Variants in CYP2U1 observed in about 807,000 individuals in gnomAD.
CYP2U1 encodes cytochrome P450 2U1.
Under a neutral mutation model 42.8 loss-of-function variants are expected in CYP2U1, and 28 were observed. That is an observed-to-expected ratio of 0.65 (90% CI 0.48 to 0.90). CYP2U1 has a LOEUF of 0.90. Ranked by LOEUF, CYP2U1 falls within the 40% of genes least tolerant of loss-of-function variation. CYP2U1 has a pLI of 0.00. For synonymous variants in CYP2U1, 296 were observed against 278.9 expected (o/e 1.06, Z -0.61); for missense variants, 642 against 693.8 (o/e 0.93, Z 0.84).
At position 107,932,015 on chromosome 4, in the gene CYP2U1, C is replaced by G; in HGVS notation, c.372C>G (p.His124Gln). ...GCATCTTCAGCTTCTTTATCGGCCA[C>G]TACCTGGTGGTGGTCCTCAGCGACT... is the stretch of plus-strand genomic sequence containing the variant. ...YGSIFSFFIG[H>Q]YLVVVLSDFH... The change falls in exon 1 of 5, where the codon CAC becomes CAG. Residue 124 changes from histidine (H) to glutamine (Q), a missense_variant. Physicochemically the swap from His to Gln is conservative, Grantham distance 24 (BLOSUM62 0). Transcript: ENST00000332884. 1 of 1,560,898 alleles carries G rather than the reference C, an allele frequency of 6.4e-7. No individual in the cohort carries two copies. The highest frequency in any genetic ancestry group is 1.4e-5 in the African/African-American group (1 of 73,592).
At chr4:107,934,339 T>C (rs1398773583) in intron 1 of CYP2U1, among the ~76,000 whole-genome samples, 1 of 152,166 alleles carries the variant, frequency 6.6e-6, no homozygotes, top group Admixed American at 6.5e-5. Context: ...AATCCATAAG[T>C]CTTACTGACT....
In CYP2U1 at chr4:107,947,481, A is replaced by G; in HGVS notation, c.1232A>G (p.Gln411Arg). ...ACAGAAGCCACCATCATGGAAGTGCAGAGGCTAACTGTGGTGGTGCCGCTT... is the reference window on the plus strand; with the variant it reads ...ACAGAAGCCACCATCATGGAAGTGCGGAGGCTAACTGTGGTGGTGCCGCTT... ...PYTEATIMEVQRLTVVVPLAI... is the reference protein window; with the variant it reads ...PYTEATIMEVRRLTVVVPLAI... The change falls in exon 3 of 5, where the codon CAG becomes CGG. Residue 411 changes from glutamine (Q) to arginine (R), a missense_variant. Coordinates refer to ENST00000332884, the MANE Select transcript of CYP2U1 (RefSeq NM_183075.3). 6.2e-7 allele frequency: 1 copy of G among 1,614,170 alleles called. No homozygotes were observed. Among genetic ancestry groups the G allele is most frequent in the Non-Finnish European group, 8.5e-7 (1 of 1,180,022 alleles).
At chr4:107,944,363 CATGAT>C (rs1733604982) in intron 1 of CYP2U1, among the ~76,000 whole-genome samples, 1 of 151,998 alleles carries the variant, frequency 6.6e-6, no homozygotes, top group Non-Finnish European at 1.5e-5. Context: ...AGTGCAGTGG[CATGAT>C]CATAGTGGAC....
At chr4:107,949,266 A>ATT in intron 3 of CYP2U1, 84 bp from the exon 4 acceptor site, 10 of 1,278,236 alleles carry the variant, frequency 7.8e-6, no homozygotes, top group South Asian at 2.3e-5. Context: ...ATATAACTAC[A>ATT]TTTTTTTTTC....
intron 1 of CYP2U1, among the ~76,000 whole-genome samples, chr4:107,942,292 C>T (rs1373452959): frequency 6.6e-6 from 1 of 152,196 alleles, no homozygotes; most frequent in Non-Finnish European, 1.5e-5. Flanking sequence ...CCTCCACCCA[C>T]TGTCTGCACC....
At chr4:107,944,850 ATT>A (rs1491506939) in intron 1 of CYP2U1, 118 bp from the exon 2 acceptor site, 2 of 140,230 alleles carry the variant, frequency 1.4e-5, no homozygotes, top group Middle Eastern at 2.7e-3. Context: ...ATATATATAT[ATT>A]TATATGAGGA....
intron 1 of CYP2U1, chr4:107,936,277 C>T (rs1385978060): frequency 6.6e-6 from 1 of 152,164 alleles, no homozygotes; most frequent in African/African-American, 2.4e-5. Flanking sequence ...GAAGGTGTCC[C>T]CAAATGTTTA....
In CYP2U1 at chr4:107,949,464, T is replaced by C; in HGVS notation, c.1403T>C (p.Leu468Pro). The C allele has an allele frequency of 6.2e-7, 1 of 1,610,072 alleles. No homozygotes were observed. ...GAGGATTTCTACCCTAATCGATTTC[T>C]GGATGACCAAGGACAACTAATTAAA... ...KPEDFYPNRF[L>P]DDQGQLIKKE... is the part of the protein sequence containing the mutation. The change falls in exon 4 of 5, where the codon CTG becomes CCG. Residue 468 changes from leucine to proline, a missense_variant. Physicochemically the swap from Leu to Pro is moderately conservative, Grantham distance 98 (BLOSUM62 -3). Coordinates refer to ENST00000332884, the MANE Select transcript of CYP2U1 (RefSeq NM_183075.3).
rs140660352 is a variant in CYP2U1 at position 107,932,602 on chromosome 4, A to C, written c.490+469A>C. 2.6e-4 allele frequency among the ~76,000 whole-genome samples: 39 copies of C among 152,346 alleles called. 1 individual carries two copies. In the East Asian group the frequency reaches 6.7e-3, roughly 26 times the overall value. On this transcript the variant is annotated intron_variant, in intron 1 of 4. Coordinates refer to ENST00000332884, the MANE Select transcript of CYP2U1 (RefSeq NM_183075.3). ...ATAAAAAGTCCAGAAAACACAGAAG[A>C]AGCCTATTACCAAATCTCCGGCTTT...
At chr4:107,947,259 G>A (rs901715229) in intron 2 of CYP2U1, 117 bp from the exon 3 acceptor site, 2 of 850,708 alleles carry the variant, frequency 2.4e-6, no homozygotes, top group African/African-American at 3.4e-5. Context: ...GGCAGAATCA[G>A]GCCTGAACTG....
At position 107,931,732 on chromosome 4, in the gene CYP2U1, TGGACCCCA is replaced by T; in HGVS notation, c.91_98del (p.Asp31ArgfsTer64). 1 of 1,411,536 alleles carries T rather than the reference TGGACCCCA, an allele frequency of 7.1e-7. No homozygotes were observed. The highest frequency in any genetic ancestry group is 9.2e-7 in the Non-Finnish European group (1 of 1,092,888). The allele number at this position is 1,411,536 out of a possible 1,614,324, so 87.4% of individuals were successfully genotyped here. A position where few individuals can be genotyped will look rare whatever the true frequency, so the allele number is the denominator to read the frequency against. ...CGTGCGCCTCTGGGGCTGCTGCGGCTGGACCCCAGCGGGGGCGCGCTGCTGCTATGCGG... is the reference window on the plus strand; with the variant it reads ...CGTGCGCCTCTGGGGCTGCTGCGGCTGCGGGGGCGCGCTGCTGCTATGCGG... On this transcript the variant is annotated frameshift_variant, in exon 1 of 5. Coordinates refer to ENST00000332884, the MANE Select transcript of CYP2U1 (RefSeq NM_183075.3). LOFTEE classifies it high-confidence loss of function.
chr4:107,947,720 T>C (rs1733750754), intron 3 of CYP2U1, among the ~76,000 whole-genome samples, 183 bp downstream of exon 3: 1 of 152,236 alleles, frequency 6.6e-6, no homozygotes, highest in African/African-American at 2.4e-5. Flanking sequence ...TCACTGGTTG[T>C]ACTAGAATTC....
At chr4:107,934,765 G>A (rs1733198813) in intron 1 of CYP2U1, among the ~76,000 whole-genome samples, 1 of 152,200 alleles carries the variant, frequency 6.6e-6, no homozygotes, top group Non-Finnish European at 1.5e-5. Context: ...TACGATGTTT[G>A]TCTTCTTTGG....
Position 107,944,852 on chromosome 4 carries a change from T to TATATATATATA in CYP2U1, c.491-118_491-117insATATATATATA, listed in dbSNP as rs536313224. 7.3e-4 allele frequency: 74 copies of TATATATATATA among 101,044 alleles called. 3 individuals carry two copies. Among genetic ancestry groups the TATATATATATA allele is most frequent in the African/African-American group, 3.3e-3 (51 of 15,566 alleles). 6.3% of individuals were successfully genotyped at this position (101,044 alleles called of 1,614,324 possible). A position where few individuals can be genotyped will look rare whatever the true frequency, so the allele number is the denominator to read the frequency against. The stretch of plus-strand genomic sequence containing the variant: ...TCTTTATATATACATATATATATAT[T>TATATATATATA]TATATGAGGAATTTTCCATAAGTGA... On this transcript the variant is annotated intron_variant, in intron 1 of 4. Coordinates refer to ENST00000332884, the MANE Select transcript of CYP2U1 (RefSeq NM_183075.3).
chr4:107,947,650 AT>A, intron 3 of CYP2U1, 113 bp downstream of exon 3: 1 of 1,043,082 alleles, frequency 9.6e-7, no homozygotes, highest in Non-Finnish European at 1.4e-6. Flanking sequence ...CCTTCTGAAG[AT>A]TTAGCATTGT....
chr4:107,933,866 G>GT (rs559883082), intron 1 of CYP2U1, among the ~76,000 whole-genome samples: 1 of 152,136 alleles, frequency 6.6e-6, no homozygotes, highest in Admixed American at 6.5e-5. Context: ...GTACAGATGT[G>GT]TTTTTTTGAT....
rs529526770 is a variant in CYP2U1, at chr4:107,932,801, C to T, written c.490+668C>T. Among the ~76,000 whole-genome samples, 18 of 152,344 alleles carry T rather than the reference C, an allele frequency of 1.2e-4. No homozygotes were observed. In the South Asian group the frequency reaches 3.7e-3, roughly 32 times the overall value. Reference sequence around the variant, plus strand: ...TCTTTTCTGAGTCACTCCTACGCATCAGTCAGGTGTTAAATGCCTTTTCCT... The same window carrying T: ...TCTTTTCTGAGTCACTCCTACGCATTAGTCAGGTGTTAAATGCCTTTTCCT... On this transcript the variant is annotated intron_variant, in intron 1 of 4. Coordinates refer to ENST00000332884, the MANE Select transcript of CYP2U1 (RefSeq NM_183075.3).
chr4:107,949,437 C>A lies in CYP2U1; in HGVS notation c.1376C>A (p.Pro459Gln). The A allele has an allele frequency of 6.2e-7, 1 of 1,611,294 alleles. No individual in the cohort carries two copies. The highest frequency in any genetic ancestry group is 8.5e-7 in the Non-Finnish European group (1 of 1,178,474). The change falls in exon 4 of 5, where the codon CCG becomes CAG. Residue 459 changes from proline to glutamine, a missense_variant. Physicochemically the swap from Pro to Gln is moderately conservative, Grantham distance 76 (BLOSUM62 -1). Coordinates refer to ENST00000332884, the MANE Select transcript of CYP2U1 (RefSeq NM_183075.3). ...AGAGACCCAGCCATTTGGGAGAAACCGGAGGATTTCTACCCTAATCGATTT... is the reference window on the plus strand; with the variant it reads ...AGAGACCCAGCCATTTGGGAGAAACAGGAGGATTTCTACCCTAATCGATTT... ...VHRDPAIWEK[P>Q]EDFYPNRFLD...
Position 107,947,452 on chromosome 4 carries a change from C to CT in CYP2U1, c.1204dup (p.Tyr402LeufsTer37). On this transcript the variant is annotated frameshift_variant, in exon 3 of 5. Coordinates refer to ENST00000332884, the MANE Select transcript of CYP2U1 (RefSeq NM_183075.3). LOFTEE classifies it high-confidence loss of function. ...CCCTCACAGACAAGGCCCAGATGCCCTACACAGAAGCCACCATCATGGAAG... is the reference window on the plus strand; with the variant it reads ...CCCTCACAGACAAGGCCCAGATGCCCTTACACAGAAGCCACCATCATGGAAG... 1 of 1,614,174 alleles carries CT rather than the reference C, an allele frequency of 6.2e-7. No homozygotes were observed. Among genetic ancestry groups the CT allele is most frequent in the Non-Finnish European group, 8.5e-7 (1 of 1,180,012 alleles).
Sources: allele counts gnomAD v4.1 joint callset (sites outside exome capture counted in the v4.1 genomes callset), GRCh38; gene constraint gnomAD v4.1.1; transcripts MANE v1.5; gene names NCBI Gene and HGNC (gene_info 2026-07-23, HGNC 2026-07-21).